The following TGM7 variants were observed in gnomAD, a reference collection of about 807,000 sequenced individuals.
The protein encoded by TGM7 is protein-glutamine gamma-glutamyltransferase Z.
TGM7 carries 74 observed loss-of-function variants against 79.5 expected under a neutral mutation model. That is an observed-to-expected ratio of 0.93 (90% CI 0.77 to 1.13). The LOEUF is 1.13. TGM7 is among the 50% of genes most tolerant of loss of function. The pLI, the probability that TGM7 is intolerant of heterozygous loss-of-function variation, is 0.00. For synonymous variants in TGM7, 354 were observed against 362.5 expected (o/e 0.98, Z 0.27); for missense variants, 912 against 905.9 (o/e 1.01, Z -0.09).
At chr15:43,294,904 T>C (rs76444236) in intron 1 of TGM7, among the ~76,000 whole-genome samples, 2 of 135,798 alleles carry the variant, frequency 1.5e-5, no homozygotes, top group East Asian at 4.9e-4. Context: ...ATCTTGATCC[T>C]TTTTTTTTTT....
chr15:43,299,493 C>G (rs2043016070), intron 1 of TGM7, among the ~76,000 whole-genome samples: 1 of 152,168 alleles, frequency 6.6e-6, no homozygotes, highest in Non-Finnish European at 1.5e-5. Context: ...AAGGCCCCAG[C>G]TAGGGTGGAT....
intron 8 of TGM7, 88 bp downstream of exon 8, chr15:43,282,429 G>T: frequency 1.7e-6 from 2 of 1,170,144 alleles, no homozygotes. Context: ...GGAAAACGCT[G>T]CTCCTCCCTG....
intron 4 of TGM7, among the ~76,000 whole-genome samples, chr15:43,290,096 T>C (rs2042956360): frequency 6.6e-6 from 1 of 152,226 alleles, no homozygotes; most frequent in South Asian, 2.1e-4. Flanking sequence ...ATTTTGGCTT[T>C]TGTTGCCATT....
Position 43,292,744 on chromosome 15 carries a change from C to T in TGM7, c.404G>A (p.Gly135Glu). 6.2e-7 allele frequency: 1 copy of T among 1,614,124 alleles called. No individual in the cohort carries two copies. Among genetic ancestry groups the T allele is most frequent in the Non-Finnish European group, 8.5e-7 (1 of 1,180,040 alleles). ...GQGHSVTYPL[G>E]TFILLFNPWS... ...AGGGTTAAAAAGTAGGATGAAAGTT[C>T]CCAGCGGGTAAGTCACACTGTGACC... is the stretch of plus-strand genomic sequence containing the variant. Residue 135 changes from glycine (G) to glutamate (E), a missense_variant, in exon 3 of 13, where the codon GGA becomes GAA. Physicochemically the swap from Gly to Glu is moderately conservative, Grantham distance 98. Coordinates refer to ENST00000452443, the MANE Select transcript of TGM7 (RefSeq NM_052955.3).
chr15:43,302,086 T>C (rs1032028951), intron 1 of TGM7, 155 bp downstream of exon 1: 14 of 836,206 alleles, frequency 1.7e-5, no homozygotes, highest in Non-Finnish European at 2.6e-5. Context: ...CAAATGCAGA[T>C]GGAGAAGTAA....
intron 1 of TGM7, among the ~76,000 whole-genome samples, chr15:43,298,769 T>TAAAATA (rs2043012614): frequency 6.6e-6 from 1 of 151,892 alleles, no homozygotes; most frequent in Non-Finnish European, 1.5e-5. Flanking sequence ...TAAAATAAAA[T>TAAAATA]AAAATAAAAA....
intron 1 of TGM7, among the ~76,000 whole-genome samples, chr15:43,301,275 G>A (rs1488390992): frequency 6.6e-6 from 1 of 150,578 alleles, no homozygotes; most frequent in African/African-American, 2.4e-5. Context: ...GTGCCACCAC[G>A]CCCAGTGTGA....
intron 3 of TGM7, among the ~76,000 whole-genome samples, 160 bp from the exon 4 acceptor site, chr15:43,292,257 T>A (rs111448261): frequency 2.6e-5 from 4 of 152,314 alleles, no homozygotes; most frequent in African/African-American, 9.6e-5. Context: ...AAAGGTCTAC[T>A]ATGTGCTTTT....
At chr15:43,280,008 A>G in intron 9 of TGM7, 57 bp from the exon 10 acceptor site, 10 of 1,536,152 alleles carry the variant, frequency 6.5e-6, no homozygotes, top group Non-Finnish European at 8.9e-6. Flanking sequence ...AGGACCAGTG[A>G]CTTTCCTGGG....
intron 2 of TGM7, 39 bp downstream of exon 2, chr15:43,293,410 T>G (rs1221878447): frequency 8.4e-6 from 13 of 1,544,882 alleles, no homozygotes; most frequent in Non-Finnish European, 1.1e-5. Context: ...GCCCTCATTT[T>G]GACGGAACCT....
chr15:43,292,044 C>G lies in TGM7; in HGVS notation c.493G>C (p.Asp165His). 1.2e-6 allele frequency: 2 copies of G among 1,614,046 alleles called. No individual in the cohort carries two copies. Among genetic ancestry groups the G allele is most frequent in the Non-Finnish European group, 1.7e-6 (2 of 1,180,016 alleles). The stretch of plus-strand genomic sequence containing the variant: ...TGACCCTTGTAAACAAAGCCATAAT[C>G]TCGCATGATATACTCCTGCAGCAGT... Reference protein sequence around the residue: ...EILLQEYIMRDYGFVYKGHER... With the variant: ...EILLQEYIMRHYGFVYKGHER... The change falls in exon 4 of 13, where the codon GAT becomes CAT. Residue 165 changes from aspartate (D) to histidine (H), a missense_variant. Physicochemically the swap from Asp to His is moderately conservative, Grantham distance 81. Transcript: ENST00000452443.
chr15:43,296,221 T>C (rs765907955), intron 1 of TGM7, among the ~76,000 whole-genome samples: 18 of 152,032 alleles, frequency 1.2e-4, no homozygotes, highest in East Asian at 1.2e-3. Flanking sequence ...GTCAGGAGAT[T>C]GAGACCATCC....
At position 43,287,626 on chromosome 15, in the gene TGM7, T is replaced by C. The variant is rs148296928; in HGVS notation, c.602A>G (p.Lys201Arg). 2.3e-5 allele frequency: 37 copies of C among 1,614,052 alleles called. No homozygotes were observed. Among genetic ancestry groups the C allele is most frequent in the Non-Finnish European group, 3.0e-5 (35 of 1,180,038 alleles). Residue 201 changes from lysine (K) to arginine (R), a missense_variant, in exon 5 of 13, where the codon AAG becomes AGG. Physicochemically the swap from Lys to Arg is conservative, Grantham distance 26. Coordinates refer to ENST00000452443, the MANE Select transcript of TGM7 (RefSeq NM_052955.3). ...CGGGTTCTTTAAGTGATACAGGCTC[T>C]TGTTCAGGATCTCAAAGCAGATGTC... ...IIDICFEILN[K>R]SLYHLKNPAK...
chr15:43,276,517 T>A lies in TGM7; in HGVS notation c.2071A>T (p.Asn691Tyr). ...PRQLQVLISS[N>Y]EVKEIKGYKD... ...TAGCCTTTGATCTCCTTGACCTCGT[T>A]GCTGCTGATGAGAACCTGGAGCTGG... is the stretch of plus-strand genomic sequence containing the variant. Residue 691 changes from asparagine (N) to tyrosine (Y), a missense_variant, in exon 13 of 13, where the codon AAC becomes TAC. Coordinates refer to ENST00000452443, the MANE Select transcript of TGM7 (RefSeq NM_052955.3). The A allele has an allele frequency of 6.2e-7, 1 of 1,614,112 alleles. No homozygotes were observed. The highest frequency in any genetic ancestry group is 8.5e-7 in the Non-Finnish European group (1 of 1,179,996).
rs2042959791 is a variant in TGM7, at chr15:43,290,727, C to T, written c.558+1252G>A. ...GAATGTTCTTCCATTTGTTTGTATCCTCTTTTATTTCATTGAGCAGTGGTT... is the reference window on the plus strand; with the variant it reads ...GAATGTTCTTCCATTTGTTTGTATCTTCTTTTATTTCATTGAGCAGTGGTT... On this transcript the variant is annotated intron_variant, in intron 4 of 12. Coordinates refer to ENST00000452443, the MANE Select transcript of TGM7 (RefSeq NM_052955.3). 2.0e-5 allele frequency among the ~76,000 whole-genome samples: 3 copies of T among 152,256 alleles called. No homozygotes were observed. The South Asian group carries it at 6.2e-4, about 32-fold the overall frequency.
At position 43,279,772 on chromosome 15, in the gene TGM7, G is replaced by C. The variant is rs372728826; in HGVS notation, c.1531C>G (p.Arg511Gly). 6.2e-7 allele frequency: 1 copy of C among 1,613,900 alleles called. No homozygotes were observed. The highest frequency in any genetic ancestry group is 8.5e-7 in the Non-Finnish European group (1 of 1,180,040). ...EWGQDLQLLL[R>G]IQRVPDSTHP... ...GTGCTGTCTGGCACCCTCTGGATACGCAGCAGCAGCTGCAGGTCCTGGCCC... is the reference window on the plus strand; with the variant it reads ...GTGCTGTCTGGCACCCTCTGGATACCCAGCAGCAGCTGCAGGTCCTGGCCC... The change falls in exon 10 of 13, where the codon CGT (arginine) becomes GGT (glycine). Residue 511 changes from arginine (R) to glycine (G), a missense_variant. Physicochemically the swap from Arg to Gly is moderately radical, Grantham distance 125. Coordinates refer to ENST00000452443, the MANE Select transcript of TGM7 (RefSeq NM_052955.3).
At chr15:43,282,392 G>T in intron 8 of TGM7, 125 bp downstream of exon 8, 2 of 875,574 alleles carry the variant, frequency 2.3e-6, no homozygotes, top group Non-Finnish European at 1.8e-6. Flanking sequence ...AGCTGTGTCA[G>T]CTGGGACCTC....
chr15:43,289,237 A>G (rs2042952740), intron 4 of TGM7, among the ~76,000 whole-genome samples: 2 of 151,862 alleles, frequency 1.3e-5, no homozygotes, highest in Non-Finnish European at 2.9e-5. Context: ...AACAGGCCCC[A>G]GTGTGTGATG....
At chr15:43,276,688 G>A in intron 12 of TGM7, 74 bp from the exon 13 acceptor site, 2 of 1,557,426 alleles carry the variant, frequency 1.3e-6, no homozygotes, top group Non-Finnish European at 1.7e-6. Flanking sequence ...GTTCCCCTCT[G>A]GGTGGGTAAG....
Sources: allele counts gnomAD v4.1 joint callset (sites outside exome capture counted in the v4.1 genomes callset), GRCh38; gene constraint gnomAD v4.1.1; transcripts MANE v1.5; gene names NCBI Gene and HGNC (gene_info 2026-07-23, HGNC 2026-07-21).